The following IGSF11 variants were observed in gnomAD, a reference collection of about 807,000 sequenced individuals.
IGSF11 encodes the protein CXADR like 1.
In IGSF11, 22 loss-of-function variants were observed where a neutral mutation model predicts 41.0. That is an observed-to-expected ratio of 0.54 (90% CI 0.38 to 0.77). The LOEUF (loss-of-function observed/expected upper bound fraction) is 0.77. IGSF11 is among the 30% of genes least tolerant of loss of function. The probability of loss-of-function intolerance (pLI) is 0.00; values close to 1 mark genes in which losing one functional copy is unlikely to be tolerated. For missense variants in IGSF11, 444 were observed against 530.8 expected, an observed-to-expected ratio of 0.84 and a Z score of 1.61; for synonymous variants, 219 against 201.3, an observed-to-expected ratio of 1.09 and a Z score of -0.74.
At chr3:119,126,356 G>C (rs1490259304) in intron 1 of IGSF11, among the ~76,000 whole-genome samples, 2 of 152,216 alleles carry the variant, frequency 1.3e-5, no homozygotes, top group African/African-American at 4.8e-5. Flanking sequence ...AGAGGCTCAG[G>C]GACAGAATTC....
chr3:119,107,346 G>A (rs911644146), upstream of IGSF11, among the ~76,000 whole-genome samples: 10 of 152,312 alleles, frequency 6.6e-5, no homozygotes, highest in African/African-American at 1.9e-4. Context: ...CAGTGATGAT[G>A]AGCATTTTTC....
chr3:119,035,851 CA>C (rs772086174), upstream of IGSF11, among the ~76,000 whole-genome samples: 3 of 152,114 alleles, frequency 2.0e-5, no homozygotes, highest in Non-Finnish European at 4.4e-5. Flanking sequence ...CCATTTTGGT[CA>C]GTTTCTACAG....
intron 1 of IGSF11, among the ~76,000 whole-genome samples, chr3:119,026,620 A>G (rs1939856227): frequency 6.6e-6 from 1 of 152,184 alleles, no homozygotes; most frequent in Non-Finnish European, 1.5e-5. Context: ...AAAAAAATCC[A>G]GTTTCATTAA....
At chr3:119,111,838 G>C (rs2077168111) in intron 1 of IGSF11, among the ~76,000 whole-genome samples, 1 of 152,200 alleles carries the variant, frequency 6.6e-6, no homozygotes, top group Non-Finnish European at 1.5e-5. Context: ...AGGACTGTTG[G>C]AGTTTGCTAG....
chr3:119,124,142 CAGAG>C (rs1406306794), intron 1 of IGSF11, among the ~76,000 whole-genome samples: 1 of 151,502 alleles, frequency 6.6e-6, no homozygotes, highest in Admixed American at 6.6e-5. Flanking sequence ...AATTCTATCA[CAGAG>C]ATAGAGAAGG....
chr3:119,049,393 T>C (rs1162146557), intron 1 of IGSF11, among the ~76,000 whole-genome samples: 1 of 152,136 alleles, frequency 6.6e-6, no homozygotes, highest in Admixed American at 6.6e-5. Flanking sequence ...GAACTCCCAT[T>C]CACAATTGCT....
chr3:119,019,993 G>C (rs1354673478), intron 1 of IGSF11, among the ~76,000 whole-genome samples: 1 of 152,108 alleles, frequency 6.6e-6, no homozygotes, highest in African/African-American at 2.4e-5. Flanking sequence ...AAGCCCCAGG[G>C]AGCTCTTTGC....
intron 1 of IGSF11, among the ~76,000 whole-genome samples, chr3:119,002,192 T>C (rs1936967049): frequency 2.2e-5 from 3 of 135,206 alleles, no homozygotes; most frequent in South Asian, 2.6e-4. Context: ...TATCTCATAG[T>C]GGTTTTGATT....
At chr3:119,084,489 C>T (rs2076638197) in intron 1 of IGSF11, among the ~76,000 whole-genome samples, 1 of 152,166 alleles carries the variant, frequency 6.6e-6, no homozygotes, top group Non-Finnish European at 1.5e-5. Context: ...GGATCTGCAG[C>T]AAGCATGTGT....
chr3:119,073,531 G>C (rs2076438889), intron 1 of IGSF11, among the ~76,000 whole-genome samples: 2 of 152,188 alleles, frequency 1.3e-5, no homozygotes, highest in South Asian at 4.1e-4. Context: ...TGGGCTGCAG[G>C]TCCCGATCCC....
intron 1 of IGSF11, among the ~76,000 whole-genome samples, chr3:118,933,619 A>G (rs1943033238): frequency 6.6e-6 from 1 of 152,100 alleles, no homozygotes; most frequent in Non-Finnish European, 1.5e-5. Context: ...CACAGTCGCA[A>G]AGCTAGGAAG....
At chr3:118,971,504 C>G (rs564076856) in intron 1 of IGSF11, among the ~76,000 whole-genome samples, 2 of 151,936 alleles carry the variant, frequency 1.3e-5, no homozygotes, top group Non-Finnish European at 2.9e-5. Flanking sequence ...GGAAAATAAA[C>G]GATATGAAAG....
intron 1 of IGSF11, among the ~76,000 whole-genome samples, chr3:118,945,159 T>C (rs1211313529): frequency 2.6e-5 from 4 of 152,092 alleles, no homozygotes; most frequent in African/African-American, 9.7e-5. Context: ...AAATAGCAAT[T>C]GAATTTGATC....
intron 1 of IGSF11, among the ~76,000 whole-genome samples, chr3:119,062,958 G>A (rs1355462811): frequency 6.6e-6 from 1 of 151,986 alleles, no homozygotes; most frequent in African/African-American, 2.4e-5. Context: ...TATGAGAAAA[G>A]GACTAAACAT....
intron 1 of IGSF11, among the ~76,000 whole-genome samples, chr3:118,937,004 A>G (rs1439010722): frequency 6.6e-6 from 1 of 152,256 alleles, no homozygotes; most frequent in Non-Finnish European, 1.5e-5. Context: ...GGACTGGCCC[A>G]AGCAATCCAA....
chr3:118,931,099 AG>A (rs1942812008), intron 1 of IGSF11, among the ~76,000 whole-genome samples: 1 of 152,320 alleles, frequency 6.6e-6, no homozygotes, highest in Admixed American at 6.5e-5. Flanking sequence ...TTCTCAATAA[AG>A]GTACAAGACA....
Position 118,996,386 on chromosome 3 carries a change from T to C in IGSF11, c.52+38145A>G, listed in dbSNP as rs902838555. ...CTAATTTCAAAATTTGTTTCATTTA[T>C]CCACCACTTCCATCACCACTGCTAC... On this transcript the variant is annotated intron_variant, in intron 1 of 6. Coordinates refer to ENST00000393775, the MANE Select transcript of IGSF11 (RefSeq NM_001015887.3). Among the ~76,000 whole-genome samples, 3 of 152,188 alleles carry C rather than the reference T, an allele frequency of 2.0e-5. No individual in the cohort carries two copies. In the South Asian group the frequency reaches 6.2e-4, roughly 32 times the overall value.
chr3:119,036,079 G>T (rs955505378), upstream of IGSF11, among the ~76,000 whole-genome samples: 3 of 152,020 alleles, frequency 2.0e-5, no homozygotes, highest in Admixed American at 6.6e-5. Context: ...TGAAAATGTG[G>T]ATATTATATT....
chr3:118,997,761 C>T (rs1464907285), intron 1 of IGSF11, among the ~76,000 whole-genome samples: 5 of 151,942 alleles, frequency 3.3e-5, no homozygotes, highest in African/African-American at 1.2e-4. Context: ...TTCTACTGAC[C>T]CTAGATAGCT....
Sources: gnomAD v4.1 joint callset for allele counts (sites outside exome capture counted in the v4.1 genomes callset) on GRCh38, gnomAD v4.1.1 for gene constraint, MANE v1.5 for transcripts, NCBI Gene and HGNC (gene_info 2026-07-23, HGNC 2026-07-21) for gene names.